The following KAZN variants were observed in gnomAD, a reference collection of about 807,000 sequenced individuals.
KAZN encodes the protein kazrin, periplakin interacting protein.
Under a neutral mutation model 87.4 loss-of-function variants are expected in KAZN, and 40 were observed. That is an observed-to-expected ratio of 0.46 (90% CI 0.36 to 0.60). The LOEUF is 0.60. KAZN is among the 20% of genes least tolerant of loss of function. The pLI is 0.00. For synonymous variants in KAZN, 466 were observed against 458.3 expected (o/e 1.02, Z -0.22); for missense variants, 898 against 1,073.9 (o/e 0.84, Z 2.29).
intron 1 of KAZN, among the ~76,000 whole-genome samples, chr1:14,774,794 A>T (rs955809315): frequency 1.3e-5 from 2 of 151,878 alleles, no homozygotes; most frequent in East Asian, 3.9e-4. Flanking sequence ...CCTTGAGCAG[A>T]TTTTTTTATC....
chr1:14,418,052 C>T (rs573706425), intron 2 of KAZN, among the ~76,000 whole-genome samples: 5 of 96,130 alleles, frequency 5.2e-5, no homozygotes, highest in Non-Finnish European at 1.1e-4. Flanking sequence ...AAACCTACAT[C>T]GAAAGATTTG....
chr1:14,508,101 C>T lies in KAZN; in HGVS notation c.250-90882C>T, dbSNP rs576703573. Reference sequence around the variant, plus strand: ...TCCACATAGCCACCTGCTTTCCCATCCTCCTGCCATCATTGAGGAGTCCCT... The same window carrying T: ...TCCACATAGCCACCTGCTTTCCCATTCTCCTGCCATCATTGAGGAGTCCCT... On this transcript the variant is annotated intron_variant, in intron 2 of 16. Coordinates refer to the KAZN transcript ENST00000636203. Among the ~76,000 whole-genome samples, 3 of 152,314 alleles carry T rather than the reference C, an allele frequency of 2.0e-5. No individual in the cohort carries two copies. The South Asian group carries it at 6.2e-4, about 32-fold the overall frequency.
At chr1:14,938,580 A>C (rs1660720676) in intron 1 of KAZN, among the ~76,000 whole-genome samples, 2 of 150,700 alleles carry the variant, frequency 1.3e-5, no homozygotes, top group South Asian at 4.2e-4. Context: ...GTGATATAAG[A>C]CTCACCAGAG....
At chr1:14,486,693 C>G (rs1669367409) in intron 2 of KAZN, among the ~76,000 whole-genome samples, 1 of 152,144 alleles carries the variant, frequency 6.6e-6, no homozygotes, top group Non-Finnish European at 1.5e-5. Flanking sequence ...CAATTTTTAA[C>G]TAGGTAATAA....
intron 1 of KAZN, among the ~76,000 whole-genome samples, chr1:14,144,397 A>G (rs1557511853): frequency 6.6e-6 from 1 of 152,112 alleles, no homozygotes; most frequent in Non-Finnish European, 1.5e-5. Flanking sequence ...GGCTCTGGAT[A>G]TAGGGATATA....
chr1:14,130,365 C>T (rs929421676), intron 1 of KAZN, among the ~76,000 whole-genome samples: 1 of 152,130 alleles, frequency 6.6e-6, no homozygotes, highest in African/African-American at 2.4e-5. Context: ...GGTTGAACAT[C>T]TTTCTTCAAA....
At chr1:14,930,623 G>C (rs550308796) in intron 1 of KAZN, among the ~76,000 whole-genome samples, 1 of 152,178 alleles carries the variant, frequency 6.6e-6, no homozygotes, top group Non-Finnish European at 1.5e-5. Context: ...CCCATCTTAC[G>C]GGTGAGACCA....
At chr1:14,457,070 A>G (rs1197869406) in intron 2 of KAZN, among the ~76,000 whole-genome samples, 1 of 152,096 alleles carries the variant, frequency 6.6e-6, no homozygotes, top group Non-Finnish European at 1.5e-5. Flanking sequence ...ACAGAGCGAG[A>G]CTCTATCTCA....
Position 15,114,797 on chromosome 1 carries a change from G to A in KAZN, c.*162G>A, listed in dbSNP as rs186443440. On this transcript the variant is annotated 3_prime_UTR_variant, in exon 15 of 15. Transcript: ENST00000376030. ...GACTCTGCGGTTTCAGCTCCACAGC[G>A]CCCAGGAGAGAGAAGACACCAGCCC... The A allele has an allele frequency of 5.5e-4, 364 of 656,746 alleles. No homozygotes were observed. The highest frequency in any genetic ancestry group is 3.7e-3 in the African/African-American group (201 of 55,024). The allele number at this position is 656,746 out of a possible 1,614,324, so 40.7% of individuals were successfully genotyped here.
At position 14,442,159 on chromosome 1, in the gene KAZN, C is replaced by T. The variant is rs528833578; in HGVS notation, c.250-156824C>T. Among the ~76,000 whole-genome samples the T allele has an allele frequency of 7.2e-5, 11 of 152,268 alleles. No homozygotes were observed. In the South Asian group the frequency reaches 2.3e-3, roughly 32 times the overall value. ...TACTCCTGCCCACCTCACAGAGTTG[C>T]AAGGATCAGAAAAGATGATGATTTA... On this transcript the variant is annotated intron_variant, in intron 2 of 16. Transcript: ENST00000636203.
At chr1:14,802,404 C>CAAAA (rs35172215) in intron 1 of KAZN, among the ~76,000 whole-genome samples, 1 of 135,336 alleles carries the variant, frequency 7.4e-6, no homozygotes, top group Non-Finnish European at 1.6e-5. Context: ...ACTCTTGTCT[C>CAAAA]AAAAAAAAAA....
chr1:14,037,491 G>A (rs989648855), intron 1 of KAZN, among the ~76,000 whole-genome samples: 1 of 152,144 alleles, frequency 6.6e-6, no homozygotes, highest in South Asian at 2.1e-4. Flanking sequence ...CTCCCTTGTT[G>A]GTCAGTGGAG....
chr1:13,893,722 C>A, exon 1 of KAZN: 1 of 1,550,532 alleles, frequency 6.4e-7, no homozygotes, highest in South Asian at 1.2e-5. Flanking sequence ...CCTTCTCCCA[C>A]GTCTTTGGTC....
intron 1 of KAZN, among the ~76,000 whole-genome samples, chr1:14,762,323 T>A (rs944776440): frequency 1.2e-4 from 18 of 152,008 alleles, no homozygotes; most frequent in African/African-American, 4.4e-4. Flanking sequence ...AGGGATGATG[T>A]TTGGTAGTAG....
chr1:14,355,833 A>G (rs1345952162), intron 2 of KAZN, among the ~76,000 whole-genome samples: 1 of 152,108 alleles, frequency 6.6e-6, no homozygotes, highest in Non-Finnish European at 1.5e-5. Context: ...TCTATCATTG[A>G]TGGGCATTTG....
chr1:14,422,716 G>A (rs1349021506), intron 2 of KAZN, among the ~76,000 whole-genome samples: 2 of 152,180 alleles, frequency 1.3e-5, no homozygotes. Context: ...CTCATCCCTG[G>A]TAAACTTCTC....
intron 2 of KAZN, among the ~76,000 whole-genome samples, chr1:14,548,984 T>C (rs977275513): frequency 6.6e-6 from 1 of 152,236 alleles, no homozygotes; most frequent in Admixed American, 6.5e-5. Flanking sequence ...ATAACCGGCT[T>C]GCATATATTT....
intron 1 of KAZN, among the ~76,000 whole-genome samples, chr1:14,786,736 C>A (rs535293774): frequency 6.6e-6 from 1 of 152,190 alleles, no homozygotes. Context: ...AATTTGCACA[C>A]CCTGTAATTC....
chr1:14,119,376 G>C (rs193219759), intron 1 of KAZN, among the ~76,000 whole-genome samples: 1 of 152,162 alleles, frequency 6.6e-6, no homozygotes, highest in Admixed American at 6.5e-5. Flanking sequence ...TATTTTTCCT[G>C]CTCAGACAGT....
Sources: allele counts gnomAD v4.1 joint callset (sites outside exome capture counted in the v4.1 genomes callset), GRCh38; gene constraint gnomAD v4.1.1; transcripts MANE v1.5; gene names NCBI Gene and HGNC (gene_info 2026-07-23, HGNC 2026-07-21).